Variants in FREM1 observed in about 807,000 individuals in gnomAD.
FREM1 encodes the protein FRAS1 related extracellular matrix 1.
FREM1 carries 220 observed loss-of-function variants against 210.1 expected under a neutral mutation model. That is an observed-to-expected ratio of 1.05 (90% CI 0.94 to 1.17). The LOEUF (loss-of-function observed/expected upper bound fraction) is 1.17. FREM1 is among the 50% of genes most tolerant of loss of function. The probability of loss-of-function intolerance (pLI) is 0.00; values close to 1 mark genes in which losing one functional copy is unlikely to be tolerated. For synonymous variants in FREM1, 1,189 were observed against 980.2 expected (o/e 1.21, Z -3.98); for missense variants, 3,454 against 2,675.5 (o/e 1.29, Z -6.42).
At chr9:14,802,762 T>A (rs894035511) in intron 19 of FREM1, among the ~76,000 whole-genome samples, 1 of 152,196 alleles carries the variant, frequency 6.6e-6, no homozygotes, top group Non-Finnish European at 1.5e-5. Flanking sequence ...TAATCTGCAA[T>A]GTTACTATGC....
At chr9:14,862,467 C>A (rs968344025) in intron 3 of FREM1, among the ~76,000 whole-genome samples, 1 of 152,178 alleles carries the variant, frequency 6.6e-6, no homozygotes, top group African/African-American at 2.4e-5. Flanking sequence ...GTCAGATATA[C>A]CATAATCGTG....
chr9:14,844,777 A>T, intron 8 of FREM1, among the ~76,000 whole-genome samples: 1 of 152,194 alleles, frequency 6.6e-6, no homozygotes, highest in African/African-American at 2.4e-5. Context: ...TCTAAGTGGA[A>T]ATTGTTGTAT....
chr9:14,790,581 T>C (rs1286522054), intron 22 of FREM1: 2 of 152,176 alleles, frequency 1.3e-5, no homozygotes, highest in African/African-American at 4.8e-5. Flanking sequence ...TGTAATTCCT[T>C]ACTTGCACTC....
chr9:14,790,229 T>A (rs1460901005), intron 22 of FREM1, among the ~76,000 whole-genome samples: 1 of 152,080 alleles, frequency 6.6e-6, no homozygotes, highest in Admixed American at 6.6e-5. Context: ...AGACTCCCAG[T>A]TCCTGGCAAA....
chr9:14,829,508 G>C (rs747022026), intron 10 of FREM1, among the ~76,000 whole-genome samples: 3 of 152,074 alleles, frequency 2.0e-5, no homozygotes, highest in African/African-American at 7.2e-5. Flanking sequence ...TGGTGTTTAG[G>C]TCATGAGGGC....
At chr9:14,841,351 C>A (rs559255874) in intron 10 of FREM1, 96 bp downstream of exon 10, 3 of 1,027,252 alleles carry the variant, frequency 2.9e-6, no homozygotes, top group Non-Finnish European at 4.1e-6. Context: ...AAATTTTAAA[C>A]CTTGAAACCT....
In FREM1 at chr9:14,770,672, C is replaced by T. The variant is rs1416228501; in HGVS notation, c.4992G>A (p.Glu1664=). The stretch of plus-strand genomic sequence containing the variant: ...GAATTTTAAAGATGATCTGATCGTC[C>T]TCAGTGTCAGGGTCTGATGCCTTCA... The part of the protein sequence containing the change: ...RVLKASDPDT[E]DDQIIFKILQ... Residue 1664 remains glutamate (E), a synonymous_variant, in exon 26 of 37, where the codon GAG becomes GAA. Transcript: ENST00000380880. The T allele has an allele frequency of 1.2e-6, 2 of 1,613,560 alleles. No individual in the cohort carries two copies. Among genetic ancestry groups the T allele is most frequent in the Non-Finnish European group, 1.7e-6 (2 of 1,179,602 alleles).
At chr9:14,846,651 A>T (rs1236652119) in intron 7 of FREM1, among the ~76,000 whole-genome samples, 5 of 152,234 alleles carry the variant, frequency 3.3e-5, no homozygotes, top group Non-Finnish European at 1.5e-5. Flanking sequence ...GCTTTTCAAG[A>T]AACTGGAATG....
chr9:14,755,155 C>T (rs760768264), intron 29 of FREM1, among the ~76,000 whole-genome samples: 11 of 152,180 alleles, frequency 7.2e-5, no homozygotes, highest in African/African-American at 9.7e-5. Flanking sequence ...AGAACTGAGA[C>T]ACTCGATGTC....
At chr9:14,861,262 C>CATATATACATATATACAT (rs1164811654) in intron 3 of FREM1, among the ~76,000 whole-genome samples, 1 of 68,194 alleles carries the variant, frequency 1.5e-5, no homozygotes, top group African/African-American at 1.0e-4. Context: ...CATATATACA[C>CATATATACATATATACAT]ATATACACAT....
chr9:14,905,340 G>C (rs553672690), intron 1 of FREM1, among the ~76,000 whole-genome samples: 84 of 152,278 alleles, frequency 5.5e-4, no homozygotes, highest in African/African-American at 2.0e-3. Flanking sequence ...TGGTTCGCAG[G>C]CTCACTACAG....
chr9:14,775,622 C>T (rs759072053), intron 25 of FREM1, among the ~76,000 whole-genome samples, 167 bp downstream of exon 25: 3 of 148,414 alleles, frequency 2.0e-5, no homozygotes, highest in Non-Finnish European at 4.4e-5. Flanking sequence ...GCAGGAGAAT[C>T]GCTTGAGCCC....
At chr9:14,738,554 A>G (rs1840830057) in intron 36 of FREM1, among the ~76,000 whole-genome samples, 1 of 151,796 alleles carries the variant, frequency 6.6e-6, no homozygotes, top group Non-Finnish European at 1.5e-5. Context: ...CTTAATACTC[A>G]GTTCATTTCA....
At chr9:14,883,982 G>A (rs7049012) in intron 1 of FREM1, among the ~76,000 whole-genome samples, 4 of 151,904 alleles carry the variant, frequency 2.6e-5, no homozygotes, top group Admixed American at 6.6e-5. Context: ...AAATCCTGGC[G>A]CTTTGGGAGG....
intron 27 of FREM1, among the ~76,000 whole-genome samples, chr9:14,767,734 TA>T (rs1846697693): frequency 6.6e-6 from 1 of 152,174 alleles, no homozygotes; most frequent in African/African-American, 2.4e-5. Context: ...TGAGGACAAC[TA>T]TACCGTTCAA....
chr9:14,882,158 T>C (rs1370975374), intron 1 of FREM1, among the ~76,000 whole-genome samples: 1 of 152,210 alleles, frequency 6.6e-6, no homozygotes. Context: ...ATACCTTTAA[T>C]AATCACTTCT....
intron 10 of FREM1, among the ~76,000 whole-genome samples, chr9:14,832,842 G>C (rs1158978427): frequency 6.6e-6 from 1 of 152,108 alleles, no homozygotes; most frequent in Non-Finnish European, 1.5e-5. Flanking sequence ...TTGTAAGGTT[G>C]GTCTTAAGCT....
intron 1 of FREM1, among the ~76,000 whole-genome samples, chr9:14,880,726 T>C (rs564504476): frequency 2.6e-5 from 4 of 152,268 alleles, no homozygotes; most frequent in African/African-American, 9.6e-5. Flanking sequence ...TAAATATATG[T>C]AGATAACTTG....
chr9:14,878,852 A>T (rs900315075), intron 1 of FREM1, among the ~76,000 whole-genome samples: 13 of 152,204 alleles, frequency 8.5e-5, no homozygotes, highest in African/African-American at 3.1e-4. Context: ...TTATATCTAA[A>T]AAGAAAAAAC....
Sources: allele counts gnomAD v4.1 joint callset (sites outside exome capture counted in the v4.1 genomes callset), GRCh38; gene constraint gnomAD v4.1.1; transcripts MANE v1.5; gene names NCBI Gene and HGNC (gene_info 2026-07-23, HGNC 2026-07-21).